CDH18: variants seen among roughly 807,000 people sequenced by gnomAD.
CDH18 encodes cadherin-18.
Under a neutral mutation model 67.9 loss-of-function variants are expected in CDH18, and 31 were observed. The observed-to-expected ratio is 0.46, with a 90% CI of 0.34 to 0.62. The LOEUF (loss-of-function observed/expected upper bound fraction) is 0.62, where lower values mean the gene tolerates loss of function less well. Among genes scored for constraint, CDH18 ranks in the 20% least tolerant of loss-of-function variants. CDH18 has a pLI of 0.01. For missense variants in CDH18, 890 were observed against 975.5 expected, an observed-to-expected ratio of 0.91 and a Z score of 1.17; for synonymous variants, 362 against 347.2, an observed-to-expected ratio of 1.04 and a Z score of -0.48.
intron 3 of CDH18, 79 bp from the exon 4 acceptor site, chr5:19,747,315 A>G (rs1420467019): frequency 8.4e-7 from 1 of 1,185,416 alleles, no homozygotes; most frequent in Non-Finnish European, 1.2e-6. Context: ...CTCCCTATCT[A>G]TAATTACTTT....
chr5:20,196,747 C>T (rs910017456), intron 2 of CDH18, among the ~76,000 whole-genome samples: 5 of 152,162 alleles, frequency 3.3e-5, no homozygotes, highest in Non-Finnish European at 7.3e-5. Flanking sequence ...ATGTAGATAG[C>T]TACATTCCTA....
At chr5:20,573,925 AAT>A (rs1420893927) in intron 1 of CDH18, among the ~76,000 whole-genome samples, 6 of 142,956 alleles carry the variant, frequency 4.2e-5, no homozygotes, top group South Asian at 4.3e-4. Context: ...ATATAAAAGA[AAT>A]ATATATATAT....
intron 1 of CDH18, among the ~76,000 whole-genome samples, chr5:20,501,999 G>A (rs552340689): frequency 2.0e-5 from 3 of 151,902 alleles, no homozygotes; most frequent in African/African-American, 4.8e-5. Context: ...GCTATTAGAA[G>A]GTCATATAAA....
chr5:20,403,098 G>C (rs1054191892), intron 1 of CDH18, among the ~76,000 whole-genome samples: 1 of 151,524 alleles, frequency 6.6e-6, no homozygotes, highest in African/African-American at 2.4e-5. Context: ...CATGGTAATT[G>C]TTTGAACCCA....
intron 1 of CDH18, among the ~76,000 whole-genome samples, chr5:20,509,742 A>G (rs1157117282): frequency 6.4e-5 from 3 of 46,680 alleles, no homozygotes; most frequent in African/African-American, 7.0e-5. Flanking sequence ...TTAAGGTTGC[A>G]TAGTATTCCA....
intron 2 of CDH18, among the ~76,000 whole-genome samples, chr5:19,930,046 G>A (rs1712393861): frequency 6.6e-6 from 1 of 152,010 alleles, no homozygotes; most frequent in Non-Finnish European, 1.5e-5. Flanking sequence ...TTGATAAAAG[G>A]TTTAGCATAA....
At chr5:20,237,642 G>A (rs1742580004) in intron 2 of CDH18, among the ~76,000 whole-genome samples, 1 of 151,824 alleles carries the variant, frequency 6.6e-6, no homozygotes, top group African/African-American at 2.4e-5. Flanking sequence ...CTATAAAACA[G>A]TGATGAGACT....
At chr5:20,224,826 C>T (rs1016855568) in intron 2 of CDH18, among the ~76,000 whole-genome samples, 2 of 151,948 alleles carry the variant, frequency 1.3e-5, no homozygotes, top group African/African-American at 4.8e-5. Flanking sequence ...CAGCATATAC[C>T]AGAAAATTGA....
intron 2 of CDH18, among the ~76,000 whole-genome samples, chr5:20,225,011 CTACT>C (rs1311049504): frequency 2.0e-5 from 3 of 152,050 alleles, no homozygotes; most frequent in Non-Finnish European, 4.4e-5. Context: ...TTTCTAGGTG[CTACT>C]TAAACGTGCA....
At chr5:19,983,035 A>G (rs80169657) in intron 1 of CDH18, among the ~76,000 whole-genome samples, 7 of 55,168 alleles carry the variant, frequency 1.3e-4, no homozygotes, top group South Asian at 9.9e-4. Context: ...TCCATCTCGA[A>G]AAAAAAAAAA....
At chr5:19,842,347 C>T (rs996238023) in intron 2 of CDH18, among the ~76,000 whole-genome samples, 1 of 152,144 alleles carries the variant, frequency 6.6e-6, no homozygotes, top group African/African-American at 2.4e-5. Context: ...GTGATTGGAT[C>T]ATGGGGGCTG....
chr5:20,110,472 C>G (rs1170658017), intron 2 of CDH18, among the ~76,000 whole-genome samples: 1 of 152,106 alleles, frequency 6.6e-6, no homozygotes, highest in Non-Finnish European at 1.5e-5. Context: ...TACCTCAGGT[C>G]AGGAGTTTGA....
At chr5:19,681,814 A>G (rs1204684166) in intron 5 of CDH18, among the ~76,000 whole-genome samples, 7 of 151,886 alleles carry the variant, frequency 4.6e-5, no homozygotes. Context: ...ATTATTTGTC[A>G]TATCATAAAA....
intron 5 of CDH18, among the ~76,000 whole-genome samples, chr5:19,636,325 A>C (rs1037884714): frequency 2.6e-5 from 4 of 152,094 alleles, no homozygotes; most frequent in Non-Finnish European, 4.4e-5. Context: ...TAATTAACAT[A>C]TATATTACAC....
intron 2 of CDH18, among the ~76,000 whole-genome samples, chr5:20,225,686 G>A (rs894157021): frequency 6.6e-6 from 1 of 152,084 alleles, no homozygotes; most frequent in Admixed American, 6.6e-5. Context: ...AGAGCTTCCT[G>A]TGATGTCAAG....
At chr5:20,409,761 T>C (rs184315541) in intron 1 of CDH18, among the ~76,000 whole-genome samples, 3 of 151,182 alleles carry the variant, frequency 2.0e-5, no homozygotes, top group Non-Finnish European at 4.4e-5. Context: ...CTAGACTAAC[T>C]AAGAATAAAA....
At chr5:19,970,833 A>G (rs963469186) in intron 2 of CDH18, among the ~76,000 whole-genome samples, 1 of 151,208 alleles carries the variant, frequency 6.6e-6, no homozygotes, top group African/African-American at 2.4e-5. Flanking sequence ...AGAAGATAGA[A>G]AAAAATAGAA....
chr5:20,203,131 A>T (rs1453427589), intron 2 of CDH18, among the ~76,000 whole-genome samples: 1 of 151,956 alleles, frequency 6.6e-6, no homozygotes, highest in Non-Finnish European at 1.5e-5. Flanking sequence ...TGTTCCTCCT[A>T]CTCATGGTTT....
chr5:19,624,580 AC>A (rs1334568190), intron 5 of CDH18, among the ~76,000 whole-genome samples: 1 of 152,166 alleles, frequency 6.6e-6, no homozygotes, highest in African/African-American at 2.4e-5. Flanking sequence ...AGTAGCCAGA[AC>A]TTTATACACC....
Sources: allele counts gnomAD v4.1 joint callset (sites outside exome capture counted in the v4.1 genomes callset), GRCh38; gene constraint gnomAD v4.1.1; transcripts MANE v1.5; gene names NCBI Gene and HGNC (gene_info 2026-07-23, HGNC 2026-07-21).